The following LY9 variants were observed in gnomAD, a reference collection of about 807,000 sequenced individuals.
LY9 encodes the protein lymphocyte antigen 9.
In LY9, 59 loss-of-function variants were observed where a neutral mutation model predicts 64.6. The observed-to-expected ratio is 0.91, with a 90% CI of 0.74 to 1.13. LY9 has a LOEUF of 1.13. LY9 is among the 50% of genes most tolerant of loss of function. The probability of loss-of-function intolerance (pLI) is 0.00; values close to 1 mark genes in which losing one functional copy is unlikely to be tolerated. For synonymous variants in LY9, 281 were observed against 308.5 expected (o/e 0.91, Z 0.93); for missense variants, 789 against 797.2 (o/e 0.99, Z 0.12).
chr1:160,814,060 C>A lies in LY9; in HGVS notation c.730+149C>A, dbSNP rs562271487. 22 of 844,726 alleles carry A rather than the reference C, an allele frequency of 2.6e-5. 1 individual carries two copies. The South Asian group carries it at 3.8e-4, about 14-fold the overall frequency. 52.3% of individuals were successfully genotyped at this position (844,726 alleles called of 1,614,324 possible). On this transcript the variant is annotated intron_variant, in intron 3 of 9. Coordinates refer to ENST00000263285, the MANE Select transcript of LY9 (RefSeq NM_002348.4). ...ACCCCTTATTCTCTACTCTCAGGGA[C>A]ATGACAGAGGCTGGCAGGACTTGGG...
rs200750959 is a variant in LY9, at chr1:160,824,175, T to C, written c.1831-6T>C. The C allele has an allele frequency of 6.2e-7, 1 of 1,614,170 alleles. No individual in the cohort carries two copies. The highest frequency in any genetic ancestry group is 8.5e-7 in the Non-Finnish European group (1 of 1,180,018). On this transcript the variant is annotated splice_region_variant and splice_polypyrimidine_tract_variant and intron_variant, in intron 8 of 9. Coordinates refer to ENST00000263285, the MANE Select transcript of LY9 (RefSeq NM_002348.4). ...CTAGGGCTCATCTGCTGTTGGTGTG[T>C]TACAGGGAAAGACCCCAGTTTCTCA...
chr1:160,797,043 T>C, intron 1 of LY9: 1 of 899,604 alleles, frequency 1.1e-6, no homozygotes, highest in Non-Finnish European at 1.3e-6. Context: ...CGCGGTTAGG[T>C]GACCATGGGC....
rs796969010 is a variant in LY9 at position 160,802,023 on chromosome 1, C to T, written c.454+1941C>T. 5.4e-6 allele frequency: 8 copies of T among 1,471,008 alleles called. No individual in the cohort carries two copies. The African/African-American group carries it at 8.5e-5, about 16-fold the overall frequency. The allele number at this position is 1,471,008 out of a possible 1,614,324, so 91.1% of individuals were successfully genotyped here. On this transcript the variant is annotated intron_variant, in intron 2 of 9. Coordinates refer to ENST00000263285, the MANE Select transcript of LY9 (RefSeq NM_002348.4). ...CGATGGGACCCTGCCAGGCCCAGTG[C>T]CACTGCCCCCCGAGGCTGCTAGACG...
At chr1:160,821,642 TTGTC>T (rs1668457943) in intron 7 of LY9, among the ~76,000 whole-genome samples, 1 of 152,184 alleles carries the variant, frequency 6.6e-6, no homozygotes, top group African/African-American at 2.4e-5. Flanking sequence ...CTAATGGCCT[TTGTC>T]TGTTCAAAAG....
intron 8 of LY9, 137 bp downstream of exon 8, chr1:160,823,933 C>T (rs1467927528): frequency 1.1e-5 from 9 of 786,590 alleles, no homozygotes; most frequent in Middle Eastern, 7.0e-4. Context: ...GGACTCATGG[C>T]TGTGTCCATG....
At position 160,816,819 on chromosome 1, in the gene LY9, T is replaced by C. The variant is rs762142535; in HGVS notation, c.1298T>C (p.Val433Ala). Residue 433 changes from valine (V) to alanine (A), a missense_variant, in exon 5 of 10, where the codon GTC becomes GCC. By Grantham distance (64) the Val-to-Ala change is moderately conservative (BLOSUM62 0). Coordinates refer to ENST00000263285, the MANE Select transcript of LY9 (RefSeq NM_002348.4). ...CTCACATGCACAGCCAGCAACCCTG[T>C]CAGCAGGAGTTCCCACCAGTTTCTT... ...PNLTCTASNP[V>A]SRSSHQFLSE... 6.2e-7 allele frequency: 1 copy of C among 1,614,232 alleles called. No homozygotes were observed. Among genetic ancestry groups the C allele is most frequent in the South Asian group, 1.1e-5 (1 of 91,080 alleles).
In LY9 at chr1:160,816,582, C is replaced by G. The variant is rs114481898; in HGVS notation, c.1073-12C>G. On this transcript the variant is annotated splice_polypyrimidine_tract_variant and intron_variant, in intron 4 of 9. Transcript: ENST00000263285. The stretch of plus-strand genomic sequence containing the variant: ...GCCTGATTCCACATGGAGTCTGCCT[C>G]TCTCCTCACAGGCAGGCTGAGGAAG... The G allele has an allele frequency of 1.2e-4, 193 of 1,579,804 alleles. 1 individual carries two copies. The African/African-American group carries it at 2.3e-3, about 19-fold the overall frequency.
In LY9 at chr1:160,802,701, A is replaced by AAAT. The variant is rs1666619166; in HGVS notation, c.454+2621_454+2622insTAA. On this transcript the variant is annotated intron_variant, in intron 2 of 9. Coordinates refer to ENST00000263285, the MANE Select transcript of LY9 (RefSeq NM_002348.4). ...ACTGCACATGGTCTCTAAAAAAATA[A>AAAT]AAATAAATAAATAAATAAATAAATA... 4 of 915,748 alleles carry AAAT rather than the reference A, an allele frequency of 4.4e-6. No individual in the cohort carries two copies. The East Asian group carries it at 3.7e-4, about 85-fold the overall frequency. The allele number at this position is 915,748 out of a possible 1,614,324, so 56.7% of individuals were successfully genotyped here.
chr1:160,800,901 T>C (rs779800201), intron 2 of LY9, among the ~76,000 whole-genome samples: 20 of 152,232 alleles, frequency 1.3e-4, no homozygotes, highest in Non-Finnish European at 2.8e-4. Context: ...TGATTAGTAT[T>C]CCATGATGTG....
Position 160,813,678 on chromosome 1 carries a change from T to C in LY9, c.497T>C (p.Val166Ala), listed in dbSNP as rs748308020. Residue 166 changes from valine to alanine, a missense_variant, in exon 3 of 10, where the codon GTG becomes GCG. Val to Ala is a moderately conservative substitution (Grantham distance 64, BLOSUM62 0). Coordinates refer to ENST00000263285, the MANE Select transcript of LY9 (RefSeq NM_002348.4). ...EPQVTMKSVKVSENFSCNITL... is the reference protein window; with the variant it reads ...EPQVTMKSVKASENFSCNITL... ...CAAGTCACCATGAAGTCTGTGAAGG[T>C]GTCTGAGAACTTCTCCTGTAACATC... is the stretch of plus-strand genomic sequence containing the variant. 1.4e-5 allele frequency: 22 copies of C among 1,613,940 alleles called. No homozygotes were observed. The African/African-American group carries it at 2.9e-4, about 22-fold the overall frequency.
intron 4 of LY9, chr1:160,815,017 TTGCCCCGGTCCTTC>T: frequency 5.8e-6 from 3 of 518,934 alleles, no homozygotes; most frequent in Non-Finnish European, 1.0e-5. Context: ...CTTTAGGTGC[TTGCCCCGGTCCTTC>T]TGCACTGAGT....
chr1:160,815,952 C>A (rs991436378), intron 4 of LY9, among the ~76,000 whole-genome samples: 2 of 152,190 alleles, frequency 1.3e-5, no homozygotes, highest in East Asian at 1.9e-4. Flanking sequence ...GGTCAGCATA[C>A]CCCCTGCCTG....
chr1:160,809,977 C>T (rs1667341381), intron 2 of LY9: 1 of 152,170 alleles, frequency 6.6e-6, no homozygotes, highest in African/African-American at 2.4e-5. Context: ...CCTTCTGAGT[C>T]CAAACAATTC....
chr1:160,811,678 T>C (rs1667485789), intron 2 of LY9: 1 of 152,226 alleles, frequency 6.6e-6, no homozygotes, highest in Non-Finnish European at 1.5e-5. Context: ...AAGTATGCCC[T>C]TTCCTCCAGT....
intron 5 of LY9, among the ~76,000 whole-genome samples, chr1:160,817,847 C>G (rs1297902219): frequency 6.6e-6 from 1 of 152,120 alleles, no homozygotes; most frequent in African/African-American, 2.4e-5. Context: ...GTCTGGCAGA[C>G]AGATCTAGAG....
At chr1:160,813,450 T>C (rs553863076) in intron 2 of LY9, 186 bp from the exon 3 acceptor site, 10 of 605,812 alleles carry the variant, frequency 1.7e-5, no homozygotes, top group Non-Finnish European at 2.3e-5. Context: ...ATAACACCTG[T>C]AGCGGATGTT....
At position 160,828,092 on chromosome 1, in the gene LY9, T is replaced by C; in HGVS notation, c.*276T>C. On this transcript the variant is annotated 3_prime_UTR_variant, in exon 10 of 10. Transcript: ENST00000263285. The stretch of plus-strand genomic sequence containing the variant: ...TTATAGCGTTTCCTCCTCGAAATTC[T>C]ACCAAGACTGGTCAAATGTTGCTGA... 4.3e-6 allele frequency: 1 copy of C among 231,152 alleles called. No homozygotes were observed. The highest frequency in any genetic ancestry group is 8.4e-6 in the Non-Finnish European group (1 of 118,800). 14.3% of individuals were successfully genotyped at this position (231,152 alleles called of 1,614,324 possible). A position where few individuals can be genotyped will look rare whatever the true frequency, so the allele number is the denominator to read the frequency against.
intron 2 of LY9, among the ~76,000 whole-genome samples, chr1:160,807,733 C>T (rs1667110386): frequency 6.6e-6 from 1 of 152,174 alleles, no homozygotes; most frequent in Non-Finnish European, 1.5e-5. Flanking sequence ...ACAGGTGGCA[C>T]TTGCAGGTAG....
chr1:160,800,747 T>G (rs1192787162), intron 2 of LY9, among the ~76,000 whole-genome samples: 1 of 152,188 alleles, frequency 6.6e-6, no homozygotes, highest in Non-Finnish European at 1.5e-5. Flanking sequence ...TCCTACTCTG[T>G]ATGTCCATGT....
Sources: gnomAD v4.1 joint callset for allele counts (sites outside exome capture counted in the v4.1 genomes callset) on GRCh38, gnomAD v4.1.1 for gene constraint, MANE v1.5 for transcripts, NCBI Gene and HGNC (gene_info 2026-07-23, HGNC 2026-07-21) for gene names.